DPP10: variants seen among roughly 807,000 people sequenced by gnomAD.
The protein encoded by DPP10 is dipeptidyl peptidase like 10.
DPP10 carries 33 observed loss-of-function variants against 120.9 expected under a neutral mutation model. The ratio of observed to expected loss-of-function variants is 0.27; its 90% confidence interval spans 0.21 to 0.37. The LOEUF (loss-of-function observed/expected upper bound fraction) is 0.37, where lower values mean the gene tolerates loss of function less well. DPP10 is among the 10% of genes least tolerant of loss of function. The probability of loss-of-function intolerance (pLI) is 1.00; values close to 1 mark genes in which losing one functional copy is unlikely to be tolerated. For missense variants in DPP10, 816 were observed against 942.8 expected (o/e 0.87, Z 1.76); for synonymous variants, 337 against 326.1 (o/e 1.03, Z -0.36).
intron 3 of DPP10, among the ~76,000 whole-genome samples, chr2:115,371,571 T>C (rs2065413068): frequency 6.6e-6 from 1 of 152,166 alleles, no homozygotes; most frequent in Non-Finnish European, 1.5e-5. Flanking sequence ...TTTGTTTTTC[T>C]TGCTGCAAAA....
chr2:115,754,461 G>A (rs1679148255), intron 11 of DPP10, among the ~76,000 whole-genome samples: 1 of 152,106 alleles, frequency 6.6e-6, no homozygotes, highest in African/African-American at 2.4e-5. Context: ...CAATAGTGAA[G>A]AGATCTCCCT....
rs191141701 is a variant in DPP10, at chr2:115,131,107, G to T, written c.61-178132G>T. On this transcript the variant is annotated intron_variant, in intron 1 of 25. Coordinates refer to ENST00000410059, the MANE Select transcript of DPP10 (RefSeq NM_020868.6). ...CCAAAAGCAAGGAAGGGCTCCTGAG[G>T]TTATACCAATGTAAAAGGATAGAAA... 6.6e-4 allele frequency: 101 copies of T among 152,314 alleles called. 2 individuals carry two copies. Among genetic ancestry groups the T allele is most frequent in the African/African-American group, 2.2e-3 (90 of 41,574 alleles). The allele number at this position is 152,314 out of a possible 1,614,324, so 9.4% of individuals were successfully genotyped here. A position where few individuals can be genotyped will look rare whatever the true frequency, so the allele number is the denominator to read the frequency against.
chr2:115,728,039 T>C, intron 8 of DPP10, 103 bp downstream of exon 8: 2 of 1,308,182 alleles, frequency 1.5e-6, no homozygotes, highest in Non-Finnish European at 2.1e-6. Flanking sequence ...TACAGTACAG[T>C]TTCTTCTCAT....
At chr2:114,610,823 A>G (rs974021426) in intron 1 of DPP10, among the ~76,000 whole-genome samples, 1 of 152,090 alleles carries the variant, frequency 6.6e-6, no homozygotes, top group Admixed American at 6.5e-5. Context: ...CAGTCTTGCC[A>G]GCAGCTCAGT....
intron 1 of DPP10, among the ~76,000 whole-genome samples, chr2:114,680,399 T>G (rs983337421): frequency 2.0e-5 from 3 of 151,996 alleles, no homozygotes; most frequent in African/African-American, 7.2e-5. Context: ...TTAAGAGCTT[T>G]GAGAGTAGAT....
chr2:114,854,006 T>A (rs939932863), intron 1 of DPP10, among the ~76,000 whole-genome samples: 8 of 152,216 alleles, frequency 5.3e-5, no homozygotes, highest in African/African-American at 1.9e-4. Flanking sequence ...TTCTTGACTC[T>A]GGAAACTACG....
chr2:115,199,677 T>C (rs2055551311), intron 1 of DPP10, among the ~76,000 whole-genome samples: 2 of 151,914 alleles, frequency 1.3e-5, no homozygotes, highest in African/African-American at 2.4e-5. Context: ...TTACTTTTTC[T>C]TTTATTCATT....
chr2:114,561,551 T>G (rs1050311399), intron 1 of DPP10, among the ~76,000 whole-genome samples: 1 of 152,182 alleles, frequency 6.6e-6, no homozygotes, highest in African/African-American at 2.4e-5. Flanking sequence ...TATTTTACAC[T>G]TTTTGGAGTC....
At chr2:115,656,115 CATGTT>C (rs1278686146) in intron 5 of DPP10, among the ~76,000 whole-genome samples, 7 of 148,544 alleles carry the variant, frequency 4.7e-5, no homozygotes, top group African/African-American at 1.2e-4. Context: ...GTATACATCT[CATGTT>C]ATGTTCTTAC....
At chr2:114,679,282 G>C (rs1243327849) in intron 1 of DPP10, among the ~76,000 whole-genome samples, 1 of 152,012 alleles carries the variant, frequency 6.6e-6, no homozygotes, top group Admixed American at 6.6e-5. Context: ...TTCTAATGCA[G>C]AGAGTACTTC....
At chr2:115,707,821 T>C (rs1291580627) in intron 7 of DPP10, among the ~76,000 whole-genome samples, 2 of 151,852 alleles carry the variant, frequency 1.3e-5, no homozygotes, top group Admixed American at 6.6e-5. Context: ...ATTATTACAA[T>C]AGGTAAAACA....
intron 1 of DPP10, among the ~76,000 whole-genome samples, chr2:114,953,061 A>G (rs1054320398): frequency 3.3e-5 from 5 of 151,902 alleles, no homozygotes; most frequent in African/African-American, 1.2e-4. Context: ...AGAATGTGTC[A>G]GTACCCAGTA....
At chr2:115,545,499 AT>A (rs1283359608) in intron 5 of DPP10, among the ~76,000 whole-genome samples, 1 of 151,978 alleles carries the variant, frequency 6.6e-6, no homozygotes, top group Non-Finnish European at 1.5e-5. Flanking sequence ...GTTTTCCAAT[AT>A]TTTTTTCTTT....
At chr2:115,006,794 C>A (rs897714581) in intron 1 of DPP10, among the ~76,000 whole-genome samples, 2 of 151,928 alleles carry the variant, frequency 1.3e-5, no homozygotes, top group African/African-American at 2.4e-5. Context: ...CCACTGTCAA[C>A]ATTAGACAGA....
intron 13 of DPP10, among the ~76,000 whole-genome samples, chr2:115,770,323 C>T (rs1041272144): frequency 2.6e-5 from 4 of 151,994 alleles, no homozygotes; most frequent in African/African-American, 9.7e-5. Flanking sequence ...AATATGTAGG[C>T]AAATTCCTGT....
chr2:115,399,980 C>G (rs2067950614), intron 3 of DPP10, among the ~76,000 whole-genome samples: 1 of 152,054 alleles, frequency 6.6e-6, no homozygotes, highest in Non-Finnish European at 1.5e-5. Flanking sequence ...CATGAAGCCT[C>G]CAATCATGAT....
intron 3 of DPP10, among the ~76,000 whole-genome samples, chr2:115,473,218 A>G (rs2074847899): frequency 1.3e-5 from 2 of 152,218 alleles, no homozygotes; most frequent in African/African-American, 4.8e-5. Flanking sequence ...CATACATAGT[A>G]GATGCCTAAT....
At chr2:114,756,377 A>G (rs913735523) in intron 1 of DPP10, among the ~76,000 whole-genome samples, 1 of 152,188 alleles carries the variant, frequency 6.6e-6, no homozygotes, top group Non-Finnish European at 1.5e-5. Context: ...CCAGGGAATC[A>G]TGGAGATGAT....
chr2:115,161,269 A>T (rs1455352408), intron 1 of DPP10: 1 of 152,322 alleles, frequency 6.6e-6, no homozygotes, highest in East Asian at 1.9e-4. Flanking sequence ...CCCGCCTCCC[A>T]CGGGGCTCCG....
Sources: gnomAD v4.1 joint callset for allele counts (sites outside exome capture counted in the v4.1 genomes callset) on GRCh38, gnomAD v4.1.1 for gene constraint, MANE v1.5 for transcripts, NCBI Gene and HGNC (gene_info 2026-07-23, HGNC 2026-07-21) for gene names.